Variants in SCRG1 observed in about 807,000 individuals in gnomAD.
The protein encoded by SCRG1 is stimulator of chondrogenesis 1, also known as scrapie-responsive protein 1.
In SCRG1, 3 loss-of-function variants were observed where a neutral mutation model predicts 7.7. The observed-to-expected ratio is 0.39, with a 90% CI of 0.18 to 1.01. The LOEUF (loss-of-function observed/expected upper bound fraction) is 1.01, where lower values mean the gene tolerates loss of function less well. Ranked by LOEUF, SCRG1 falls within the 50% of genes least tolerant of loss-of-function variation. SCRG1 has a pLI of 0.36. For synonymous variants in SCRG1, 46 were observed against 41.2 expected, an observed-to-expected ratio of 1.12 and a Z score of -0.44; for missense variants, 110 against 117.2, an observed-to-expected ratio of 0.94 and a Z score of 0.28.
chr4:173,462,508 G>T, the SCRG1 span, among the ~76,000 whole-genome samples: 1 of 152,066 alleles, frequency 6.6e-6, no homozygotes, highest in Non-Finnish European at 1.5e-5. Context: ...CCAGACAATA[G>T]AAGTTGAGGA....
chr4:173,470,129 T>C, the SCRG1 span: 11 of 149,102 alleles, frequency 7.4e-5, no homozygotes, highest in Non-Finnish European at 1.2e-4. Context: ...TCTTTTTTTT[T>C]TTTTTTTTTT....
upstream of SCRG1, among the ~76,000 whole-genome samples, chr4:173,408,775 T>C (rs10030028): frequency 0.95 from 144,014 of 152,076 alleles, 68,667 homozygotes; most frequent in Non-Finnish European, 1. Flanking sequence ...AGGCGGATCA[T>C]GAAGTCAGGA....
the SCRG1 span, among the ~76,000 whole-genome samples, chr4:173,422,779 A>G: frequency 6.6e-6 from 1 of 152,232 alleles, no homozygotes; most frequent in Non-Finnish European, 1.5e-5. Context: ...GACTATGACC[A>G]TATATGATAC....
chr4:173,417,105 CACACACACAG>C, the SCRG1 span, among the ~76,000 whole-genome samples: 2 of 152,000 alleles, frequency 1.3e-5, no homozygotes, highest in African/African-American at 4.8e-5. Flanking sequence ...ACACAACACA[CACACACACAG>C]ACACACACAG....
chr4:173,433,866 C>G, the SCRG1 span, among the ~76,000 whole-genome samples: 8 of 152,322 alleles, frequency 5.3e-5, no homozygotes, highest in Non-Finnish European at 8.8e-5. Context: ...GGCCCCACCT[C>G]AAGACATGGG....
chr4:173,486,677 G>A, the SCRG1 span, among the ~76,000 whole-genome samples: 6 of 151,682 alleles, frequency 4.0e-5, no homozygotes, highest in African/African-American at 1.5e-4. Context: ...TTCCTGCGTT[G>A]GACCATTTAC....
the SCRG1 span, among the ~76,000 whole-genome samples, chr4:173,492,619 G>A: frequency 4.6e-5 from 7 of 152,182 alleles, no homozygotes; most frequent in Non-Finnish European, 8.8e-5. Flanking sequence ...GAGGAGTAGA[G>A]TCAGCGGCAA....
In SCRG1 at chr4:173,388,372, A is replaced by G; in HGVS notation, c.266T>C (p.Ile89Thr). The G allele has an allele frequency of 6.2e-7, 1 of 1,612,238 alleles. No individual in the cohort carries two copies. Among genetic ancestry groups the G allele is most frequent in the Non-Finnish European group, 8.5e-7 (1 of 1,178,952 alleles). ...ATTGTTGCAAGGAATCACGAAAGAG[A>G]TCTTTGGTCCAAAGAAAACGTCTCT... Reference protein sequence around the residue: ...CPKDVFFGPKISFVIPCNNQ With the variant: ...CPKDVFFGPKTSFVIPCNNQ The change falls in exon 3 of 3, where the codon ATC (isoleucine) becomes ACC (threonine). Residue 89 changes from isoleucine to threonine, a missense_variant. By Grantham distance (89) the Ile-to-Thr change is moderately conservative (BLOSUM62 -1). Transcript: ENST00000296506.
chr4:173,518,860 C>T, the SCRG1 span, among the ~76,000 whole-genome samples: 1 of 151,564 alleles, frequency 6.6e-6, no homozygotes, highest in East Asian at 1.9e-4. Context: ...CCCCTGCTCC[C>T]CGCTTCCCGC....
chr4:173,443,914 C>T, the SCRG1 span, among the ~76,000 whole-genome samples: 1 of 149,510 alleles, frequency 6.7e-6, no homozygotes. Context: ...TTAGCTTTAT[C>T]TTAACATTTC....
chr4:173,509,008 C>G, the SCRG1 span, among the ~76,000 whole-genome samples: 1 of 152,174 alleles, frequency 6.6e-6, no homozygotes, highest in Non-Finnish European at 1.5e-5. This position sits in a 1 kb window ranked among gnomAD's most constrained non-coding sequence, Gnocchi z 5.7. Flanking sequence ...AGACTGCATC[C>G]GAGCAGCCGG....
At chr4:173,400,774 A>G (rs1739740493), upstream of SCRG1, among the ~76,000 whole-genome samples, 1 of 152,162 alleles carries the variant, frequency 6.6e-6, no homozygotes, top group African/African-American at 2.4e-5. Flanking sequence ...CCTGCCCCAA[A>G]TCACACACAC....
chr4:173,427,116 A>G, the SCRG1 span, among the ~76,000 whole-genome samples: 1 of 152,184 alleles, frequency 6.6e-6, no homozygotes, highest in African/African-American at 2.4e-5. Flanking sequence ...GTGTTGAGTG[A>G]CTTTTCCAGT....
chr4:173,463,569 C>A, the SCRG1 span, among the ~76,000 whole-genome samples: 1 of 152,160 alleles, frequency 6.6e-6, no homozygotes, highest in Non-Finnish European at 1.5e-5. Context: ...AGAATGGGTT[C>A]TCTCCAAAGA....
the SCRG1 span, among the ~76,000 whole-genome samples, chr4:173,459,220 A>G: frequency 6.6e-6 from 1 of 152,220 alleles, no homozygotes; most frequent in Non-Finnish European, 1.5e-5. Context: ...TAGAAAGAAA[A>G]TCAACAAGGC....
At position 173,391,350 on chromosome 4, in the gene SCRG1, G is replaced by C. The variant is rs920480091; in HGVS notation, c.65C>G (p.Pro22Arg). The change falls in exon 2 of 3, where the codon CCT becomes CGT. Residue 22 changes from proline to arginine, a missense_variant. Transcript: ENST00000296506. ...LTLLLGVQAM[P>R]ANRLSCYRKI... is the part of the protein sequence containing the mutation. ...TCTGTAGCAAGAGAGGCGATTTGCA[G>C]GCATGGCTTGAACTCCTAGCAGCAA... The C allele has an allele frequency of 1.2e-6, 2 of 1,614,076 alleles. No individual in the cohort carries two copies. The highest frequency in any genetic ancestry group is 2.7e-5 in the African/African-American group (2 of 74,934).
the SCRG1 span, among the ~76,000 whole-genome samples, chr4:173,436,679 G>A: frequency 6.6e-6 from 1 of 152,128 alleles, no homozygotes; most frequent in East Asian, 1.9e-4. Context: ...TATGTGGGAT[G>A]GGTAAATTGG....
At chr4:173,433,114 A>G in the SCRG1 span, among the ~76,000 whole-genome samples, 1 of 152,216 alleles carries the variant, frequency 6.6e-6, no homozygotes, top group Non-Finnish European at 1.5e-5. Context: ...TCTTTTTCCT[A>G]GCTTTAGAAG....
At chr4:173,466,722 G>A in the SCRG1 span, among the ~76,000 whole-genome samples, 1 of 152,116 alleles carries the variant, frequency 6.6e-6, no homozygotes, top group African/African-American at 2.4e-5. Context: ...TCAGCATTCA[G>A]CCATATAATA....
Sources: allele counts gnomAD v4.1 joint callset (sites outside exome capture counted in the v4.1 genomes callset), GRCh38; gene constraint gnomAD v4.1.1; non-coding constraint Gnocchi (gnomAD v3.1); transcripts MANE v1.5; gene names NCBI Gene and HGNC (gene_info 2026-07-23, HGNC 2026-07-21).